Variants in SYNDIG1 observed in about 807,000 individuals in gnomAD.
SYNDIG1 encodes the protein synapse differentiation inducing 1, also known as synapse differentiation-inducing gene protein 1.
SYNDIG1 carries 9 observed loss-of-function variants against 19.4 expected under a neutral mutation model. The ratio of observed to expected loss-of-function variants is 0.46; its 90% CI spans 0.28 to 0.81. SYNDIG1 has a LOEUF of 0.81. Among genes scored for constraint, SYNDIG1 ranks in the 30% least tolerant of loss-of-function variants. The pLI is 0.12. For synonymous variants in SYNDIG1, 141 were observed against 145.9 expected (o/e 0.97, Z 0.24); for missense variants, 311 against 343.3 (o/e 0.91, Z 0.74).
intron 3 of SYNDIG1, among the ~76,000 whole-genome samples, chr20:24,629,758 G>T (rs1318616214): frequency 6.6e-6 from 1 of 152,250 alleles, no homozygotes; most frequent in Admixed American, 6.5e-5. Context: ...CCAGCAAGGA[G>T]AAGTAAATGT....
At chr20:24,513,025 T>A (rs1004231096) in intron 1 of SYNDIG1, among the ~76,000 whole-genome samples, 23 of 152,090 alleles carry the variant, frequency 1.5e-4, no homozygotes, top group Admixed American at 5.9e-4. Context: ...GGGTCTGGAG[T>A]GGACCTCCAG....
At chr20:24,643,091 A>C (rs539319117) in intron 3 of SYNDIG1, among the ~76,000 whole-genome samples, 1 of 152,322 alleles carries the variant, frequency 6.6e-6, no homozygotes, top group East Asian at 1.9e-4. Context: ...ATATATATAT[A>C]TCCATCTGTA....
intron 3 of SYNDIG1, among the ~76,000 whole-genome samples, chr20:24,626,295 C>T (rs527602766): frequency 2.4e-3 from 359 of 151,794 alleles, no homozygotes; most frequent in African/African-American, 8.3e-3. Context: ...GGCAGCCGGG[C>T]GGAGGGGCTC....
intron 3 of SYNDIG1, among the ~76,000 whole-genome samples, chr20:24,588,213 C>G (rs1198576492): frequency 6.6e-6 from 1 of 152,198 alleles, no homozygotes; most frequent in Admixed American, 6.5e-5. Context: ...GAGGCACCTG[C>G]AGAGCAGCTG....
chr20:24,645,875 T>C (rs2059418036), intron 3 of SYNDIG1, among the ~76,000 whole-genome samples: 1 of 152,184 alleles, frequency 6.6e-6, no homozygotes, highest in African/African-American at 2.4e-5. Flanking sequence ...CACAGTGGGC[T>C]CTAGAGAGAA....
At chr20:24,537,731 G>A (rs187818219) in intron 1 of SYNDIG1, among the ~76,000 whole-genome samples, 90 of 152,266 alleles carry the variant, frequency 5.9e-4, no homozygotes, top group African/African-American at 2.1e-3. Context: ...TTGGCAAGAT[G>A]AAAGAGGGAT....
chr20:24,617,183 C>A (rs539865591), intron 3 of SYNDIG1, among the ~76,000 whole-genome samples: 1 of 152,156 alleles, frequency 6.6e-6, no homozygotes, highest in Admixed American at 6.5e-5. Flanking sequence ...TCCTGCAGCA[C>A]GGGGCCTGCA....
intron 3 of SYNDIG1, among the ~76,000 whole-genome samples, chr20:24,592,191 A>T (rs1212751366): frequency 1.3e-5 from 2 of 152,260 alleles, no homozygotes; most frequent in East Asian, 3.8e-4. Context: ...TCTGAATAAG[A>T]TGCTCTGCAA....
chr20:24,473,636 C>T (rs993503984), intron 1 of SYNDIG1, among the ~76,000 whole-genome samples: 2 of 152,116 alleles, frequency 1.3e-5, no homozygotes, highest in South Asian at 4.1e-4. Context: ...GGGAGACAGG[C>T]GTGCAGAGTG....
chr20:24,470,719 C>T (rs2055411313), intron 1 of SYNDIG1, among the ~76,000 whole-genome samples: 1 of 152,272 alleles, frequency 6.6e-6, no homozygotes, highest in East Asian at 1.9e-4. Context: ...CCAGAGGGGC[C>T]GCTTGGCGTT....
rs528580228 is a variant in SYNDIG1 at position 24,521,838 on chromosome 20, T to G, written c.-78-21182T>G. Among the ~76,000 whole-genome samples, 14 of 150,848 alleles carry G rather than the reference T, an allele frequency of 9.3e-5. No individual in the cohort carries two copies. The East Asian group carries it at 2.7e-3, about 29-fold the overall frequency. On this transcript the variant is annotated intron_variant, in intron 1 of 3. Coordinates refer to ENST00000376862, the MANE Select transcript of SYNDIG1 (RefSeq NM_024893.3). ...TCGCTTGAACCCAGGAGGCAGAGGTTGTAGTGAGCCAAGATTGCGCCACTG... is the reference window on the plus strand; with the variant it reads ...TCGCTTGAACCCAGGAGGCAGAGGTGGTAGTGAGCCAAGATTGCGCCACTG...
intron 1 of SYNDIG1, among the ~76,000 whole-genome samples, chr20:24,524,694 C>A (rs1251487621): frequency 6.6e-6 from 1 of 151,556 alleles, no homozygotes; most frequent in Non-Finnish European, 1.5e-5. Context: ...TTTCCATTTT[C>A]TCTTCCATTA....
chr20:24,498,564 A>G (rs1317244073), intron 1 of SYNDIG1, among the ~76,000 whole-genome samples: 1 of 152,094 alleles, frequency 6.6e-6, no homozygotes, highest in Non-Finnish European at 1.5e-5. Flanking sequence ...TGCTGCTGTG[A>G]GTTTAACTAT....
chr20:24,580,114 C>T (rs1028868639), intron 2 of SYNDIG1, among the ~76,000 whole-genome samples: 2 of 152,156 alleles, frequency 1.3e-5, no homozygotes, highest in African/African-American at 2.4e-5. Context: ...CAGACTCCTT[C>T]GCAATGTTTT....
chr20:24,582,883 G>A (rs1305668433), intron 2 of SYNDIG1, among the ~76,000 whole-genome samples: 1 of 152,226 alleles, frequency 6.6e-6, no homozygotes, highest in South Asian at 2.1e-4. Flanking sequence ...CAGGAGGGGC[G>A]AGGCCAGGAG....
intron 2 of SYNDIG1, among the ~76,000 whole-genome samples, chr20:24,566,006 A>G (rs1244195315): frequency 6.6e-6 from 1 of 152,170 alleles, no homozygotes; most frequent in Non-Finnish European, 1.5e-5. Flanking sequence ...ATTTCCCAGA[A>G]GCAGACACTG....
intron 2 of SYNDIG1, among the ~76,000 whole-genome samples, chr20:24,551,126 G>A (rs1192575470): frequency 1.3e-5 from 2 of 152,228 alleles, no homozygotes; most frequent in African/African-American, 2.4e-5. Flanking sequence ...GAAGGCATTT[G>A]GGCCTGGCCT....
chr20:24,470,246 G>A (rs2055384435), intron 1 of SYNDIG1, among the ~76,000 whole-genome samples: 1 of 152,220 alleles, frequency 6.6e-6, no homozygotes, highest in African/African-American at 2.4e-5. Flanking sequence ...GAGCCGGGCG[G>A]CCACGGAGCT....
intron 3 of SYNDIG1, among the ~76,000 whole-genome samples, chr20:24,626,883 G>A (rs1044893686): frequency 2.6e-5 from 4 of 152,234 alleles, no homozygotes; most frequent in South Asian, 2.1e-4. Flanking sequence ...AGACCAGCCC[G>A]GCCATCACAG....
Sources: gnomAD v4.1 joint callset for allele counts (sites outside exome capture counted in the v4.1 genomes callset) on GRCh38, gnomAD v4.1.1 for gene constraint, MANE v1.5 for transcripts, NCBI Gene and HGNC (gene_info 2026-07-23, HGNC 2026-07-21) for gene names.